KIF1C: variants seen among roughly 807,000 people sequenced by gnomAD.
KIF1C encodes kinesin family member 1C.
Under a neutral mutation model 126.5 loss-of-function variants are expected in KIF1C, and 61 were observed. The observed-to-expected ratio is 0.48, with a 90% CI of 0.39 to 0.60. The LOEUF is 0.60. Ranked by LOEUF, KIF1C falls within the 20% of genes least tolerant of loss-of-function variation. KIF1C has a pLI of 0.00. For synonymous variants in KIF1C, 640 were observed against 580.6 expected, an observed-to-expected ratio of 1.10 and a Z score of -1.47; for missense variants, 1,315 against 1,489.2, an observed-to-expected ratio of 0.88 and a Z score of 1.93.
chr17:5,000,754 C>T lies in KIF1C; in HGVS notation c.107-18C>T. 11 of 1,613,078 alleles carry T rather than the reference C, an allele frequency of 6.8e-6. No homozygotes were observed. Among genetic ancestry groups the T allele is most frequent in the South Asian group, 2.2e-5 (2 of 91,064 alleles). On this transcript the variant is annotated intron_variant, in intron 3 of 22. Coordinates refer to ENST00000320785, the MANE Select transcript of KIF1C (RefSeq NM_006612.6). ...CCTGACCTTGACTTTCCTTCCTTTA[C>T]CCTCTCCTGCCCCTCAGCCATCATC...
Position 5,004,145 on chromosome 17 carries a change from C to T in KIF1C, c.940+72C>T, listed in dbSNP as rs1182954923. On this transcript the variant is annotated intron_variant, in intron 11 of 22. Transcript: ENST00000320785. ...AACTCTTTTGATACATCTGACAAATCCCCTTGCTATGCCGAGAATCCCAAA... is the reference window on the plus strand; with the variant it reads ...AACTCTTTTGATACATCTGACAAATTCCCTTGCTATGCCGAGAATCCCAAA... 30 of 1,098,852 alleles carry T rather than the reference C, an allele frequency of 2.7e-5. No homozygotes were observed. In the East Asian group the frequency reaches 6.8e-4, roughly 25 times the overall value. The allele number at this position is 1,098,852 out of a possible 1,614,324, so 68.1% of individuals were successfully genotyped here.
At chr17:4,998,480 G>A (rs771507191) in intron 1 of KIF1C, among the ~76,000 whole-genome samples, 1 of 152,142 alleles carries the variant, frequency 6.6e-6, no homozygotes, top group Non-Finnish European at 1.5e-5. Flanking sequence ...GTACCCCACG[G>A]CTCCTTCACA....
rs769814577 is a variant in KIF1C, at chr17:5,001,317, C to G, written c.279C>G (p.Ile93Met). ...CCTTTGAAGGCTACAACGTGTGCAT[C>G]TTTGCCTATGGGCAGACCGGGGCTG... ...LHAFEGYNVC[I>M]FAYGQTGAGK... The change falls in exon 5 of 23, where the codon ATC (isoleucine) becomes ATG (methionine). Residue 93 changes from isoleucine to methionine, a missense_variant. Physicochemically the swap from Ile to Met is conservative, Grantham distance 10. Coordinates refer to ENST00000320785, the MANE Select transcript of KIF1C (RefSeq NM_006612.6). 2.5e-6 allele frequency: 4 copies of G among 1,614,022 alleles called. No individual in the cohort carries two copies. The highest frequency in any genetic ancestry group is 2.5e-6 in the Non-Finnish European group (3 of 1,180,008).
At position 5,022,934 on chromosome 17, in the gene KIF1C, T is replaced by G. The variant is rs1975125453; in HGVS notation, c.2628+225T>G. On this transcript the variant is annotated intron_variant, in intron 22 of 22. Transcript: ENST00000320785. The surrounding 1 kb of genome is among the most constrained non-coding windows in gnomAD (Gnocchi z 4.9). The stretch of plus-strand genomic sequence containing the variant: ...CCCCAGACCTACTGAATCCACATCT[T>G]TGGGGACAAATCTGCATTTATAATA... Among the ~76,000 whole-genome samples, 2 of 152,234 alleles carry G rather than the reference T, an allele frequency of 1.3e-5. No homozygotes were observed. The highest frequency in any genetic ancestry group is 4.8e-5 in the African/African-American group (2 of 41,462).
At chr17:5,003,560 T>G in intron 8 of KIF1C, 52 bp from the exon 9 acceptor site, 1 of 1,342,600 alleles carries the variant, frequency 7.4e-7, no homozygotes, top group South Asian at 1.3e-5. Flanking sequence ...CTGATTTCCC[T>G]GCCCCGTCCC....
chr17:5,021,948 A>G (rs1357279110), intron 21 of KIF1C, 144 bp from the exon 22 acceptor site: 10 of 857,538 alleles, frequency 1.2e-5, no homozygotes, highest in Admixed American at 7.1e-5. Context: ...AGTCTGCCCA[A>G]GGGTGCGCTG....
chr17:5,028,015 G>A lies in KIF1C; in HGVS notation c.*3864G>A, dbSNP rs151025284. On this transcript the variant is annotated 3_prime_UTR_variant, in exon 23 of 23. Transcript: ENST00000320785. Reference sequence around the variant, plus strand: ...CCATCACCTCGCTTAGAATCCATGGGGCCTTCTCCTCAAATTCAATCTTCC... The same window carrying A: ...CCATCACCTCGCTTAGAATCCATGGAGCCTTCTCCTCAAATTCAATCTTCC... 6.6e-6 allele frequency: 1 copy of A among 151,960 alleles called. No homozygotes were observed. Among genetic ancestry groups the A allele is most frequent in the Non-Finnish European group, 1.5e-5 (1 of 68,030 alleles). 9.4% of individuals were successfully genotyped at this position (151,960 alleles called of 1,614,324 possible). A position where few individuals can be genotyped will look rare whatever the true frequency, so the allele number is the denominator to read the frequency against.
At position 5,023,131 on chromosome 17, in the gene KIF1C, C is replaced by T. The variant is rs1597865096; in HGVS notation, c.2629-337C>T. 6.6e-6 allele frequency among the ~76,000 whole-genome samples: 1 copy of T among 152,286 alleles called. No homozygotes were observed. The highest frequency in any genetic ancestry group is 2.4e-5 in the African/African-American group (1 of 41,554). The stretch of plus-strand genomic sequence containing the variant: ...CCAGGTTCAAGCCATTCTCCTGCCT[C>T]AGCCTCCTGAGTAGCTGGGACTACA... On this transcript the variant is annotated intron_variant, in intron 22 of 22. Transcript: ENST00000320785. The surrounding 1 kb of genome is among the most constrained non-coding windows in gnomAD (Gnocchi z 4.2).
In KIF1C at chr17:5,020,720, G is replaced by A. The variant is rs536230020; in HGVS notation, c.1937+42G>A. 167 of 1,609,638 alleles carry A rather than the reference G, an allele frequency of 1.0e-4. No individual in the cohort carries two copies. The highest frequency in any genetic ancestry group is 3.3e-4 in the Middle Eastern group (2 of 6,046). ...CACGTGCCCCATGGCCGTCTAGGCC[G>A]TCCCTCCCGGGCCTCTGGGCCCGTG... On this transcript the variant is annotated intron_variant, in intron 20 of 22. Coordinates refer to ENST00000320785, the MANE Select transcript of KIF1C (RefSeq NM_006612.6). The surrounding 1 kb of genome is among the most constrained non-coding windows in gnomAD (Gnocchi z 5.8).
At chr17:5,014,599 C>T (rs1470206176) in intron 17 of KIF1C, 144 bp from the exon 18 acceptor site, 4 of 663,958 alleles carry the variant, frequency 6.0e-6, no homozygotes, top group African/African-American at 5.4e-5. Flanking sequence ...CCGGGCAAGC[C>T]ATTTCACCTC....
In KIF1C at chr17:5,023,962, G is replaced by C. The variant is rs562022125; in HGVS notation, c.3123G>C (p.Arg1041=). 70 of 1,579,542 alleles carry C rather than the reference G, an allele frequency of 4.4e-5. No homozygotes were observed. Among genetic ancestry groups the C allele is most frequent in the Non-Finnish European group, 5.8e-5 (67 of 1,162,166 alleles). ...CCCTGGATGGAGGGGGCCGATCCCG[G>C]GGAGCGGGTTCTGCACAGCCTGAAC... ...RNSLDGGGRS[R]GAGSAQPEPQ... Residue 1041 remains arginine (R), a synonymous_variant, in exon 23 of 23, where the codon CGG becomes CGC. Transcript: ENST00000320785. The surrounding 1 kb of genome is among the most constrained non-coding windows in gnomAD (Gnocchi z 4.2).
intron 1 of KIF1C, among the ~76,000 whole-genome samples, chr17:4,998,695 C>T (rs1337339740): frequency 6.6e-6 from 1 of 152,234 alleles, no homozygotes; most frequent in Non-Finnish European, 1.5e-5. Context: ...TACTCCCTTC[C>T]TGTCCTGGGA....
chr17:5,006,407 G>A (rs1475649453), intron 13 of KIF1C, among the ~76,000 whole-genome samples: 1 of 151,566 alleles, frequency 6.6e-6, no homozygotes, highest in African/African-American at 2.4e-5. Context: ...CGTGGTCTCG[G>A]CTCACTGCAA....
chr17:5,018,568 A>G (rs1457512157), intron 18 of KIF1C, among the ~76,000 whole-genome samples: 1 of 151,912 alleles, frequency 6.6e-6, no homozygotes, highest in African/African-American at 2.4e-5. Context: ...GCATGCCTGT[A>G]ATCCCAGCTA....
rs1434554774 is a variant in KIF1C, at chr17:5,026,601, C to G, written c.*2450C>G. On this transcript the variant is annotated 3_prime_UTR_variant, in exon 23 of 23. Coordinates refer to ENST00000320785, the MANE Select transcript of KIF1C (RefSeq NM_006612.6). ...CCTGTATCTACAAAACATAGAAAAA[C>G]TAGTTGGGTGTGGTGGTGTGTACCT... The G allele has an allele frequency of 6.4e-6, 1 of 156,414 alleles. No homozygotes were observed. The highest frequency in any genetic ancestry group is 1.9e-4 in the East Asian group (1 of 5,136). The allele number at this position is 156,414 out of a possible 1,614,324, so 9.7% of individuals were successfully genotyped here. A position where few individuals can be genotyped will look rare whatever the true frequency, so the allele number is the denominator to read the frequency against.
intron 13 of KIF1C, among the ~76,000 whole-genome samples, chr17:5,006,446 C>T (rs927553160): frequency 2.6e-5 from 4 of 151,900 alleles, no homozygotes; most frequent in Admixed American, 6.5e-5. Context: ...AAGTGATTCT[C>T]CTGCCTCAGC....
At position 5,000,680 on chromosome 17, in the gene KIF1C, A is replaced by C. The variant is rs553774294; in HGVS notation, c.107-92A>C. The C allele has an allele frequency of 1.8e-4, 201 of 1,107,386 alleles. No individual in the cohort carries two copies. In the African/African-American group the frequency reaches 2.9e-3, roughly 16 times the overall value. 68.6% of individuals were successfully genotyped at this position (1,107,386 alleles called of 1,614,324 possible). A position where few individuals can be genotyped will look rare whatever the true frequency, so the allele number is the denominator to read the frequency against. On this transcript the variant is annotated intron_variant, in intron 3 of 22. Transcript: ENST00000320785. The stretch of plus-strand genomic sequence containing the variant: ...AGTCAGGACAGTGGTGAGGAGTGGG[A>C]TGCTTGGATTCCAGGGGCTGGTTGG...
At chr17:5,001,752 G>A (rs1039196872) in intron 5 of KIF1C, among the ~76,000 whole-genome samples, 5 of 152,178 alleles carry the variant, frequency 3.3e-5, no homozygotes, top group Non-Finnish European at 5.9e-5. Flanking sequence ...CTGTAGAAAC[G>A]CCAATTGGGA....
chr17:5,009,112 G>GA (rs796782971), intron 16 of KIF1C, among the ~76,000 whole-genome samples: 225 of 136,730 alleles, frequency 1.6e-3, no homozygotes, highest in Non-Finnish European at 2.0e-3. Flanking sequence ...TTTTGTTATA[G>GA]AAAAAAAAAA....
Sources: allele counts gnomAD v4.1 joint callset (sites outside exome capture counted in the v4.1 genomes callset), GRCh38; gene constraint gnomAD v4.1.1; non-coding constraint Gnocchi (gnomAD v3.1); transcripts MANE v1.5; gene names NCBI Gene and HGNC (gene_info 2026-07-23, HGNC 2026-07-21).